Variants in MACROD2 observed in about 807,000 individuals in gnomAD.
MACROD2 encodes mono-ADP ribosylhydrolase 2, also known as ADP-ribose glycohydrolase MACROD2.
Under a neutral mutation model 70.4 loss-of-function variants are expected in MACROD2, and 36 were observed. The ratio of observed to expected loss-of-function variants is 0.51; its 90% CI spans 0.39 to 0.68. MACROD2 has a LOEUF of 0.68. Ranked by LOEUF, MACROD2 falls within the 30% of genes least tolerant of loss-of-function variation. The pLI, the probability that MACROD2 is intolerant of heterozygous loss-of-function variation, is 0.00. For synonymous variants in MACROD2, 172 were observed against 178.8 expected, an observed-to-expected ratio of 0.96 and a Z score of 0.30; for missense variants, 496 against 538.4, an observed-to-expected ratio of 0.92 and a Z score of 0.78.
intron 5 of MACROD2, among the ~76,000 whole-genome samples, chr20:15,067,830 A>G (rs922180635): frequency 6.6e-6 from 1 of 152,158 alleles, no homozygotes; most frequent in Non-Finnish European, 1.5e-5. Context: ...CTCTCTACAA[A>G]TTGGTTTTAT....
chr20:15,224,870 G>T (rs2076891824), intron 5 of MACROD2, among the ~76,000 whole-genome samples: 1 of 151,144 alleles, frequency 6.6e-6, no homozygotes, highest in African/African-American at 2.4e-5. Context: ...TGAGGCAGGA[G>T]AATTGCTTGA....
intron 5 of MACROD2, among the ~76,000 whole-genome samples, chr20:15,086,832 C>A (rs777171030): frequency 6.6e-6 from 1 of 152,018 alleles, no homozygotes; most frequent in South Asian, 2.1e-4. Context: ...CAAGATCCCC[C>A]GCTTACTTTA....
intron 5 of MACROD2, among the ~76,000 whole-genome samples, chr20:15,051,069 T>C (rs1398137919): frequency 6.6e-6 from 1 of 152,150 alleles, no homozygotes; most frequent in Non-Finnish European, 1.5e-5. Context: ...TGGAGTCTAA[T>C]AATAACTGAA....
rs142574004 is a variant in MACROD2, at chr20:14,350,756, A to G, written c.272-142723A>G. ...TCCTTTGCTGTGCAGAAACTTTTTA[A>G]CTTGATGTGATCCCATTTGCCCATT... On this transcript the variant is annotated intron_variant, in intron 3 of 17. Transcript: ENST00000684519. 2.6e-5 allele frequency among the ~76,000 whole-genome samples: 4 copies of G among 152,064 alleles called. No individual in the cohort carries two copies. The East Asian group carries it at 7.8e-4, about 29-fold the overall frequency.
chr20:14,886,668 G>A (rs988939523), intron 5 of MACROD2, among the ~76,000 whole-genome samples: 11 of 152,238 alleles, frequency 7.2e-5, no homozygotes, highest in African/African-American at 2.2e-4. Context: ...CCAATGTCCA[G>A]GAACCATAGG....
intron 4 of MACROD2, among the ~76,000 whole-genome samples, chr20:14,494,581 C>T (rs2084833111): frequency 6.6e-6 from 1 of 152,082 alleles, no homozygotes; most frequent in African/African-American, 2.4e-5. Flanking sequence ...ACCAGGAAAG[C>T]ATTACTAAAT....
Position 15,310,077 on chromosome 20 carries a change from G to A in MACROD2, c.540+80016G>A, listed in dbSNP as rs548280030. 1.9e-3 allele frequency among the ~76,000 whole-genome samples: 284 copies of A among 152,206 alleles called. 1 individual carries two copies. The highest frequency in any genetic ancestry group is 6.5e-3 in the African/African-American group (271 of 41,534). On this transcript the variant is annotated intron_variant, in intron 6 of 17. Transcript: ENST00000684519. ...TAGTATGGCCAGATTAATTTATTTA[G>A]TCTTTCTAACCCTGTATTATCTCAT...
intron 3 of MACROD2, among the ~76,000 whole-genome samples, chr20:14,393,695 T>C (rs1301856344): frequency 6.6e-6 from 1 of 152,188 alleles, no homozygotes; most frequent in African/African-American, 2.4e-5. Flanking sequence ...TTTTATATCA[T>C]GGCTTAGTCT....
chr20:15,296,033 A>ATGATCTGCC (rs1453841542), intron 6 of MACROD2, among the ~76,000 whole-genome samples: 1 of 152,198 alleles, frequency 6.6e-6, no homozygotes, highest in Non-Finnish European at 1.5e-5. Context: ...TCCTCTCTTG[A>ATGATCTGCC]TGATCTGCCT....
At chr20:14,924,544 A>G (rs2074205571) in intron 5 of MACROD2, among the ~76,000 whole-genome samples, 1 of 152,204 alleles carries the variant, frequency 6.6e-6, no homozygotes, top group Non-Finnish European at 1.5e-5. Flanking sequence ...AGATGATGCG[A>G]TTTTGAACTA....
intron 3 of MACROD2, among the ~76,000 whole-genome samples, chr20:14,285,092 C>T (rs2082333495): frequency 6.6e-6 from 1 of 152,094 alleles, no homozygotes; most frequent in Admixed American, 6.5e-5. Flanking sequence ...CACACTCTTT[C>T]CCCCTCAGAA....
rs935489785 is a variant in MACROD2 at position 14,425,626 on chromosome 20, C to T, written c.272-67853C>T. 2.0e-5 allele frequency among the ~76,000 whole-genome samples: 3 copies of T among 152,166 alleles called. No individual in the cohort carries two copies. The East Asian group carries it at 5.8e-4, about 29-fold the overall frequency. ...TACCCAGACAAATCTGGTATTCCATCATTTTTGTCTTTCTGAAGAGGATTT... is the reference window on the plus strand; with the variant it reads ...TACCCAGACAAATCTGGTATTCCATTATTTTTGTCTTTCTGAAGAGGATTT... On this transcript the variant is annotated intron_variant, in intron 3 of 17. Transcript: ENST00000684519.
intron 13 of MACROD2, among the ~76,000 whole-genome samples, chr20:15,981,080 C>T (rs976204196): frequency 1.8e-4 from 27 of 152,138 alleles, no homozygotes; most frequent in Admixed American, 1.4e-3. Context: ...CCTAGGAGTT[C>T]GCCTGTTTTT....
intron 6 of MACROD2, among the ~76,000 whole-genome samples, chr20:15,366,503 C>T (rs1223825351): frequency 6.6e-6 from 1 of 152,118 alleles, no homozygotes; most frequent in Non-Finnish European, 1.5e-5. Flanking sequence ...TTCTTTCTGG[C>T]CCTTATTGTT....
intron 6 of MACROD2, among the ~76,000 whole-genome samples, chr20:15,386,322 G>A (rs984352460): frequency 2.6e-5 from 4 of 152,098 alleles, no homozygotes; most frequent in Admixed American, 6.5e-5. Context: ...ATATTCATAC[G>A]TTCTACTCCA....
At chr20:15,426,000 G>A (rs922682245) in intron 6 of MACROD2, among the ~76,000 whole-genome samples, 7 of 152,294 alleles carry the variant, frequency 4.6e-5, no homozygotes, top group Admixed American at 2.0e-4. Flanking sequence ...GGGAAGAAAT[G>A]AAGACGGACT....
chr20:14,257,652 A>G (rs2082068557), intron 3 of MACROD2, among the ~76,000 whole-genome samples: 1 of 152,190 alleles, frequency 6.6e-6, no homozygotes, highest in South Asian at 2.1e-4. Flanking sequence ...AAGAGAGACA[A>G]AATGTATGCA....
At chr20:14,342,468 T>G (rs1457185422) in intron 3 of MACROD2, among the ~76,000 whole-genome samples, 1 of 152,204 alleles carries the variant, frequency 6.6e-6, no homozygotes, top group Non-Finnish European at 1.5e-5. Context: ...TAGTGATGCA[T>G]GTCAGGGCAC....
intron 13 of MACROD2, among the ~76,000 whole-genome samples, chr20:15,975,735 A>G (rs2147434551): frequency 6.6e-6 from 1 of 152,364 alleles, no homozygotes; most frequent in South Asian, 2.1e-4. Flanking sequence ...TAGTTATAAA[A>G]TTATCCACAA....
Sources: gnomAD v4.1 joint callset for allele counts (sites outside exome capture counted in the v4.1 genomes callset) on GRCh38, gnomAD v4.1.1 for gene constraint, MANE v1.5 for transcripts, NCBI Gene and HGNC (gene_info 2026-07-23, HGNC 2026-07-21) for gene names.